OR2T12: variants seen among roughly 807,000 people sequenced by gnomAD.
The protein encoded by OR2T12 is olfactory receptor 2T12.
For missense variants in OR2T12, 335 were observed against 404.3 expected (o/e 0.83, Z 1.47); for synonymous variants, 127 against 160.5 (o/e 0.79, Z 1.58).
chr1:248,294,172 T>G lies in OR2T12; in HGVS notation c.*444A>C, dbSNP rs10788770. The stretch of plus-strand genomic sequence containing the variant: ...TGGAGTCACTTTTTAATATTTCTGT[T>G]CTATGTGAAATTAGGAACCATATTT... On this transcript the variant is annotated 3_prime_UTR_variant, in exon 3 of 3. Coordinates refer to ENST00000641276, the MANE Select transcript of OR2T12 (RefSeq NM_001004692.2). 127,342 of 159,362 alleles carry G rather than the reference T, an allele frequency of 0.8. 51,315 individuals are homozygous for G. Among genetic ancestry groups the G allele is most frequent in the African/African-American group, 0.89 (36,954 of 41,522 alleles). 9.9% of individuals were successfully genotyped at this position (159,362 alleles called of 1,614,324 possible). A position where few individuals can be genotyped will look rare whatever the true frequency, so the allele number is the denominator to read the frequency against.
rs888222585 is a variant in OR2T12 at position 248,302,476 on chromosome 1, G to A, written c.-190+870C>T. Among the ~76,000 whole-genome samples the A allele has an allele frequency of 3.9e-5, 6 of 152,124 alleles. 1 individual carries two copies. The highest frequency in any genetic ancestry group is 7.4e-5 in the Non-Finnish European group (5 of 67,978). Reference sequence around the variant, plus strand: ...TTACATGATCAGAGAGAGTTAAGCTGTGTTTCGAAAGCACTGGTAATATTT... The same window carrying A: ...TTACATGATCAGAGAGAGTTAAGCTATGTTTCGAAAGCACTGGTAATATTT... On this transcript the variant is annotated intron_variant, in intron 1 of 2. Coordinates refer to ENST00000641276, the MANE Select transcript of OR2T12 (RefSeq NM_001004692.2).
At chr1:248,299,193 T>C (rs113241553) in intron 2 of OR2T12, among the ~76,000 whole-genome samples, 7 of 152,030 alleles carry the variant, frequency 4.6e-5, no homozygotes, top group Admixed American at 1.3e-4. Flanking sequence ...CAATATTAAC[T>C]TTAAATGTAA....
In OR2T12 at chr1:248,294,057, G is replaced by A. The variant is rs1659674438; in HGVS notation, c.*559C>T. 1.3e-5 allele frequency: 2 copies of A among 152,164 alleles called. No homozygotes were observed. Among genetic ancestry groups the A allele is most frequent in the Admixed American group, 6.5e-5 (1 of 15,280 alleles). The allele number at this position is 152,164 out of a possible 1,614,324, so 9.4% of individuals were successfully genotyped here. ...GTCTTTGGTGGAGTCCTCATATTTA[G>A]TTTTTAATTGTAGAGCATACACATG... On this transcript the variant is annotated 3_prime_UTR_variant, in exon 3 of 3. Coordinates refer to ENST00000641276, the MANE Select transcript of OR2T12 (RefSeq NM_001004692.2).
intron 2 of OR2T12, among the ~76,000 whole-genome samples, chr1:248,296,451 A>T (rs1659729678): frequency 6.6e-6 from 1 of 152,220 alleles, no homozygotes; most frequent in Non-Finnish European, 1.5e-5. Context: ...CAATGGTTGA[A>T]CGAGTTTACA....
chr1:248,301,127 G>A (rs1363708386), intron 2 of OR2T12, among the ~76,000 whole-genome samples: 1 of 151,884 alleles, frequency 6.6e-6, no homozygotes, highest in African/African-American at 2.4e-5. Flanking sequence ...ATACCCACAT[G>A]CTAAAATTGA....
chr1:248,293,419 C>G lies in OR2T12; in HGVS notation c.*1197G>C, dbSNP rs1427917065. The G allele has an allele frequency of 6.6e-6, 1 of 152,024 alleles. No homozygotes were observed. Among genetic ancestry groups the G allele is most frequent in the Non-Finnish European group, 1.5e-5 (1 of 67,954 alleles). The allele number at this position is 152,024 out of a possible 1,614,324, so 9.4% of individuals were successfully genotyped here. A position where few individuals can be genotyped will look rare whatever the true frequency, so the allele number is the denominator to read the frequency against. ...TGTGTTTTACATATGGGAAATATAG[C>G]CTTTATCATAAAACTCTCTAAGACA... is the stretch of plus-strand genomic sequence containing the variant. On this transcript the variant is annotated 3_prime_UTR_variant, in exon 3 of 3. Coordinates refer to ENST00000641276, the MANE Select transcript of OR2T12 (RefSeq NM_001004692.2).
chr1:248,300,351 G>C (rs1190637026), intron 2 of OR2T12, among the ~76,000 whole-genome samples: 1 of 152,084 alleles, frequency 6.6e-6, no homozygotes, highest in Admixed American at 6.6e-5. Context: ...GAGAGAAACA[G>C]GTCTCAACCT....
At chr1:248,301,002 T>C (rs957522820) in intron 2 of OR2T12, among the ~76,000 whole-genome samples, 3 of 152,136 alleles carry the variant, frequency 2.0e-5, no homozygotes, top group African/African-American at 7.2e-5. Context: ...CAAATGTAAA[T>C]CTACATATCC....
chr1:248,295,619 A>C (rs1203974100), intron 2 of OR2T12, 33 bp from the exon 3 acceptor site: 9 of 1,542,434 alleles, frequency 5.8e-6, no homozygotes, highest in Admixed American at 2.0e-5. Flanking sequence ...AAAATAGAGA[A>C]AGAAGAGGCT....
intron 2 of OR2T12, among the ~76,000 whole-genome samples, chr1:248,299,755 C>G (rs1254556835): frequency 6.6e-6 from 1 of 152,116 alleles, no homozygotes; most frequent in Non-Finnish European, 1.5e-5. Flanking sequence ...CCACACCACA[C>G]CTATTCCAAA....
chr1:248,295,628 C>A (rs774842761), intron 2 of OR2T12, 42 bp from the exon 3 acceptor site: 28 of 1,538,628 alleles, frequency 1.8e-5, no homozygotes, highest in Non-Finnish European at 2.2e-5. Context: ...AAAGAAGAGG[C>A]TTTTATGGTC....
chr1:248,299,443 C>T (rs1045324135), intron 2 of OR2T12, among the ~76,000 whole-genome samples: 4 of 152,070 alleles, frequency 2.6e-5, no homozygotes, highest in Admixed American at 6.5e-5. Flanking sequence ...CAAAGAAGGC[C>T]ATCACATAAT....
chr1:248,300,563 G>A (rs1483455688), intron 2 of OR2T12, among the ~76,000 whole-genome samples: 2 of 152,042 alleles, frequency 1.3e-5, no homozygotes, highest in Admixed American at 6.6e-5. Context: ...AAAATACATT[G>A]TATTGCCTCA....
At chr1:248,296,899 TTTGGTGTTTTAGAC>T (rs1216621211) in intron 2 of OR2T12, among the ~76,000 whole-genome samples, 16 of 152,308 alleles carry the variant, frequency 1.1e-4, no homozygotes, top group African/African-American at 3.8e-4. Context: ...TGCCATTGCT[TTTGGTGTTTTAGAC>T]ATGAAGTCCT....
intron 2 of OR2T12, among the ~76,000 whole-genome samples, chr1:248,296,881 T>G (rs1218293699): frequency 2.0e-5 from 3 of 152,138 alleles, no homozygotes; most frequent in African/African-American, 7.2e-5. Context: ...GTCAATTTTG[T>G]CTTTTGTTGC....
rs1295280969 is a variant in OR2T12 at position 248,294,850 on chromosome 1, C to T, written c.729G>A (p.Val243=). 6.2e-7 allele frequency: 1 copy of T among 1,612,786 alleles called. No homozygotes were observed. Among genetic ancestry groups the T allele is most frequent in the Non-Finnish European group, 8.5e-7 (1 of 1,179,856 alleles). The part of the protein sequence containing the change: ...KKAFATCSSH[V]AVVGLFYGAG... Reference sequence around the variant, plus strand: ...CTCCATAAAAGAGTCCCACCACAGCCACATGTGAAGAGCAGGTGGCAAAGG... The same window carrying T: ...CTCCATAAAAGAGTCCCACCACAGCTACATGTGAAGAGCAGGTGGCAAAGG... The change falls in exon 3 of 3, where the codon GTG becomes GTA. Residue 243 remains valine (V), a synonymous_variant. Coordinates refer to ENST00000641276, the MANE Select transcript of OR2T12 (RefSeq NM_001004692.2).
At chr1:248,297,555 A>G (rs898803909) in intron 2 of OR2T12, among the ~76,000 whole-genome samples, 9 of 152,160 alleles carry the variant, frequency 5.9e-5, no homozygotes, top group African/African-American at 9.7e-5. Context: ...AGTTCTCCTT[A>G]AAGAGGTCCT....
intron 2 of OR2T12, among the ~76,000 whole-genome samples, chr1:248,299,626 C>G (rs1445491920): frequency 6.6e-6 from 1 of 152,110 alleles, no homozygotes; most frequent in Non-Finnish European, 1.5e-5. Context: ...GACAGATCAA[C>G]GAGACAGAAA....
At chr1:248,295,608 A>T (rs747255627) in intron 2 of OR2T12, 22 bp from the exon 3 acceptor site, 3 of 1,544,222 alleles carry the variant, frequency 1.9e-6, no homozygotes, top group Non-Finnish European at 2.6e-6. Flanking sequence ...GTGCAAATGG[A>T]AAAATAGAGA....
Sources: gnomAD v4.1 joint callset for allele counts (sites outside exome capture counted in the v4.1 genomes callset) on GRCh38, gnomAD v4.1.1 for gene constraint, MANE v1.5 for transcripts, NCBI Gene and HGNC (gene_info 2026-07-23, HGNC 2026-07-21) for gene names.